The following OTUD7A variants were observed in gnomAD, a reference collection of about 807,000 sequenced individuals.
OTUD7A encodes the protein OTU deubiquitinase 7A.
In OTUD7A, 12 loss-of-function variants were observed where a neutral mutation model predicts 65.7. That is an observed-to-expected ratio of 0.18 (90% CI 0.12 to 0.30). The LOEUF (loss-of-function observed/expected upper bound fraction) is 0.30, where lower values mean the gene tolerates loss of function less well. Ranked by LOEUF, OTUD7A falls within the 10% of genes least tolerant of loss-of-function variation. OTUD7A has a pLI of 1.00. For synonymous variants in OTUD7A, 641 were observed against 586.3 expected, an observed-to-expected ratio of 1.09 and a Z score of -1.35; for missense variants, 1,148 against 1,304.8, an observed-to-expected ratio of 0.88 and a Z score of 1.85.
chr15:31,596,313 G>A (rs1291680101), intron 3 of OTUD7A, among the ~76,000 whole-genome samples: 1 of 152,238 alleles, frequency 6.6e-6, no homozygotes, highest in Non-Finnish European at 1.5e-5. Context: ...GCATGCATCA[G>A]TAGTTCACTG....
chr15:31,634,050 C>A (rs530165705), intron 3 of OTUD7A, among the ~76,000 whole-genome samples: 2 of 152,260 alleles, frequency 1.3e-5, no homozygotes, highest in East Asian at 3.9e-4. Flanking sequence ...TAAATAAATA[C>A]ACCAGACACA....
Position 31,511,069 on chromosome 15 carries a change from ATATGTATATCTATATGTAACATACATATG to A in OTUD7A, c.894-7280_894-7252del, listed in dbSNP as rs2041714079. On this transcript the variant is annotated intron_variant, in intron 8 of 12. Transcript: ENST00000307050. Reference sequence around the variant, plus strand: ...GTATATCTATATGTAACATACATATATATGTATATCTATATGTAACATACATATGTATATCTATATGTAACATACATATG... The same window carrying A: ...GTATATCTATATGTAACATACATATATATATCTATATGTAACATACATATG... 2.8e-5 allele frequency among the ~76,000 whole-genome samples: 2 copies of A among 70,812 alleles called. 1 individual carries two copies. Among genetic ancestry groups the A allele is most frequent in the African/African-American group, 1.3e-4 (2 of 15,902 alleles). 46.5% of individuals were successfully genotyped at this position (70,812 alleles called of 152,430 possible).
intron 5 of OTUD7A, among the ~76,000 whole-genome samples, chr15:31,537,527 G>A (rs995696638): frequency 2.0e-5 from 3 of 152,160 alleles, no homozygotes; most frequent in African/African-American, 7.2e-5. Flanking sequence ...TGGATGGACC[G>A]TTGTGGACGT....
At position 31,570,102 on chromosome 15, in the gene OTUD7A, C is replaced by T. The variant is rs144295571; in HGVS notation, c.247G>A (p.Gly83Ser). 2.5e-6 allele frequency: 4 copies of T among 1,614,190 alleles called. No homozygotes were observed. Among genetic ancestry groups the T allele is most frequent in the Non-Finnish European group, 3.4e-6 (4 of 1,180,034 alleles). Reference sequence around the variant, plus strand: ...GGCTCTCGCTCTGGCTGCTTGGGACCCCGCCCTTCATTGAACACATGTGGC... The same window carrying T: ...GGCTCTCGCTCTGGCTGCTTGGGACTCCGCCCTTCATTGAACACATGTGGC... ...NLPHVFNEGR[G>S]PKQPEREPQP... Residue 83 changes from glycine to serine, a missense_variant, in exon 4 of 13, where the codon GGT becomes AGT. By Grantham distance (56) the Gly-to-Ser change is moderately conservative. Transcript: ENST00000307050.
chr15:31,764,592 C>T (rs1895052114), intron 1 of OTUD7A, among the ~76,000 whole-genome samples: 1 of 151,902 alleles, frequency 6.6e-6, no homozygotes. Flanking sequence ...GCGTTTTCTT[C>T]CAATGTAAAA....
chr15:31,766,379 A>G, intron 1 of OTUD7A: 1 of 1,587,740 alleles, frequency 6.3e-7, no homozygotes, highest in Admixed American at 1.7e-5. Flanking sequence ...ATAACTGTAG[A>G]GCATCGATGG....
intron 1 of OTUD7A, among the ~76,000 whole-genome samples, chr15:31,778,495 C>G (rs1895448676): frequency 6.6e-6 from 1 of 152,200 alleles, no homozygotes; most frequent in African/African-American, 2.4e-5. Context: ...TTGACCAATG[C>G]CCTGAACTAC....
chr15:31,571,375 A>G (rs1054506550), intron 3 of OTUD7A, among the ~76,000 whole-genome samples: 1 of 152,224 alleles, frequency 6.6e-6, no homozygotes, highest in Non-Finnish European at 1.5e-5. Context: ...GCAGAGGCCC[A>G]TGGTGAAACC....
intron 1 of OTUD7A, among the ~76,000 whole-genome samples, chr15:31,725,020 C>T (rs1420575431): frequency 2.6e-5 from 4 of 152,150 alleles, no homozygotes; most frequent in Admixed American, 1.3e-4. Context: ...TGAGTGATTG[C>T]GGGGCAGAGG....
chr15:31,682,640 T>C (rs749202857), intron 1 of OTUD7A, among the ~76,000 whole-genome samples: 2 of 152,176 alleles, frequency 1.3e-5, no homozygotes, highest in Non-Finnish European at 2.9e-5. Flanking sequence ...CTGGAGCAAA[T>C]GGACTTCAGT....
At chr15:31,778,722 T>C (rs1895455334) in intron 1 of OTUD7A, among the ~76,000 whole-genome samples, 1 of 151,654 alleles carries the variant, frequency 6.6e-6, no homozygotes, top group Admixed American at 6.6e-5. Context: ...GTAAACAAGA[T>C]GTGTGTGTCT....
intron 1 of OTUD7A, among the ~76,000 whole-genome samples, chr15:31,737,765 G>A (rs552427167): frequency 5.3e-5 from 8 of 152,264 alleles, no homozygotes; most frequent in South Asian, 2.1e-4. Context: ...GTGTTCATAC[G>A]GGACTATCAC....
At chr15:31,737,262 G>T (rs1053536141) in intron 1 of OTUD7A, among the ~76,000 whole-genome samples, 1 of 152,028 alleles carries the variant, frequency 6.6e-6, no homozygotes, top group Admixed American at 6.5e-5. Flanking sequence ...ACAGGCAAGG[G>T]ACTAACAGCC....
chr15:31,530,012 G>A (rs7163763), intron 6 of OTUD7A, among the ~76,000 whole-genome samples: 8,665 of 152,266 alleles, frequency 0.057, 360 homozygotes, highest in Middle Eastern at 0.11. Context: ...GTTCCAGAAA[G>A]TCGATGATGA....
chr15:31,645,601 C>T (rs1566958248), intron 3 of OTUD7A, among the ~76,000 whole-genome samples: 1 of 152,144 alleles, frequency 6.6e-6, no homozygotes, highest in Non-Finnish European at 1.5e-5. Context: ...AATATCATAT[C>T]TAAAAGTAGT....
intron 1 of OTUD7A, among the ~76,000 whole-genome samples, chr15:31,686,182 C>T (rs1417011723): frequency 6.6e-6 from 1 of 152,212 alleles, no homozygotes; most frequent in African/African-American, 2.4e-5. Context: ...AGAGGCCTGG[C>T]CCAGGGCTGT....
intron 1 of OTUD7A, among the ~76,000 whole-genome samples, chr15:31,837,461 G>A (rs1225533307): frequency 1.3e-5 from 2 of 151,724 alleles, no homozygotes; most frequent in African/African-American, 2.4e-5. Context: ...CAGGAGAATC[G>A]CTTGAACCCA....
In OTUD7A at chr15:31,522,705, C is replaced by T. The variant is rs79139974; in HGVS notation, c.893+3644G>A. ...TGACCTCACTAATCCCTCCCCAAGCCCTAGGGAAGGCCTGGTTCTTCCACG... is the reference window on the plus strand; with the variant it reads ...TGACCTCACTAATCCCTCCCCAAGCTCTAGGGAAGGCCTGGTTCTTCCACG... On this transcript the variant is annotated intron_variant, in intron 8 of 12. Coordinates refer to ENST00000307050, the MANE Select transcript of OTUD7A (RefSeq NM_001382637.1). Among the ~76,000 whole-genome samples the T allele has an allele frequency of 5.9e-3, 895 of 152,286 alleles. 9 individuals are homozygous for T. The highest frequency in any genetic ancestry group is 0.02 in the African/African-American group (849 of 41,560).
chr15:31,546,756 T>G (rs2141140661), intron 5 of OTUD7A, among the ~76,000 whole-genome samples: 1 of 152,360 alleles, frequency 6.6e-6, no homozygotes, highest in South Asian at 2.1e-4. Context: ...TTGTAATACA[T>G]GTATATACAT....
Sources: allele counts gnomAD v4.1 joint callset (sites outside exome capture counted in the v4.1 genomes callset), GRCh38; gene constraint gnomAD v4.1.1; transcripts MANE v1.5; gene names NCBI Gene and HGNC (gene_info 2026-07-23, HGNC 2026-07-21).